CADPS2: variants seen among roughly 807,000 people sequenced by gnomAD.
The protein encoded by CADPS2 is calcium dependent secretion activator 2, also known as calcium-dependent secretion activator 2.
CADPS2 carries 93 observed loss-of-function variants against 172.5 expected under a neutral mutation model. The observed-to-expected ratio is 0.54, with a 90% CI of 0.46 to 0.64. The LOEUF (loss-of-function observed/expected upper bound fraction) is 0.64. Among genes scored for constraint, CADPS2 ranks in the 30% least tolerant of loss-of-function variants. The pLI is 0.00. For synonymous variants in CADPS2, 546 were observed against 555.2 expected, an observed-to-expected ratio of 0.98 and a Z score of 0.23; for missense variants, 1,420 against 1,565.9, an observed-to-expected ratio of 0.91 and a Z score of 1.57.
intron 27 of CADPS2, among the ~76,000 whole-genome samples, chr7:122,355,644 A>G (rs1476384567): frequency 6.6e-6 from 1 of 151,846 alleles, no homozygotes; most frequent in African/African-American, 2.4e-5. Flanking sequence ...CTTCTTATCC[A>G]GAAAATTTTT....
In CADPS2 at chr7:122,513,333, A is replaced by G. The variant is rs765442633; in HGVS notation, c.1476-18T>C. ...ACAGATATCTGGAAAGAAAAACAAAAGCCAAAGAATACTTCAGATGAATAA... is the reference window on the plus strand; with the variant it reads ...ACAGATATCTGGAAAGAAAAACAAAGGCCAAAGAATACTTCAGATGAATAA... On this transcript the variant is annotated intron_variant, in intron 8 of 29. Coordinates refer to ENST00000449022, the MANE Select transcript of CADPS2 (RefSeq NM_017954.11). 6.5e-6 allele frequency: 10 copies of G among 1,531,236 alleles called. No homozygotes were observed. Among genetic ancestry groups the G allele is most frequent in the African/African-American group, 1.4e-5 (1 of 72,666 alleles). The allele number at this position is 1,531,236 out of a possible 1,614,324, so 94.9% of individuals were successfully genotyped here.
At chr7:122,723,924 A>G (rs918298465) in intron 2 of CADPS2, among the ~76,000 whole-genome samples, 1 of 151,974 alleles carries the variant, frequency 6.6e-6, no homozygotes, top group South Asian at 2.1e-4. Context: ...AAACTGTCAC[A>G]AGGACAGAAA....
intron 2 of CADPS2, among the ~76,000 whole-genome samples, chr7:122,688,916 T>C (rs1473411922): frequency 2.0e-5 from 3 of 152,252 alleles, no homozygotes; most frequent in East Asian, 3.9e-4. Flanking sequence ...CTTTGGTACA[T>C]AGGCTCGATA....
intron 9 of CADPS2, among the ~76,000 whole-genome samples, chr7:122,497,450 A>G (rs1586640295): frequency 1.3e-5 from 2 of 152,244 alleles, no homozygotes; most frequent in East Asian, 3.9e-4. Flanking sequence ...GAAACTATAT[A>G]TTTCTTTTCT....
chr7:122,597,918 T>G (rs531559814), intron 6 of CADPS2, among the ~76,000 whole-genome samples: 30 of 152,152 alleles, frequency 2.0e-4, no homozygotes, highest in African/African-American at 7.0e-4. Context: ...TTAACATTTT[T>G]TTTTTTTGAA....
At chr7:122,532,992 T>A (rs571708029) in intron 8 of CADPS2, among the ~76,000 whole-genome samples, 9 of 151,688 alleles carry the variant, frequency 5.9e-5, no homozygotes, top group African/African-American at 2.2e-4. Context: ...CATAACATAC[T>A]CAGTAACAGG....
chr7:122,407,779 T>A, intron 19 of CADPS2, 83 bp from the exon 20 acceptor site: 1 of 1,292,162 alleles, frequency 7.7e-7, no homozygotes. Flanking sequence ...TGAAAATATT[T>A]TATAACATGT....
chr7:122,514,229 TAAAG>T lies in CADPS2; in HGVS notation c.1476-918_1476-915del, dbSNP rs549569037. Among the ~76,000 whole-genome samples the T allele has an allele frequency of 2.0e-3, 303 of 151,934 alleles. 1 individual carries two copies. The highest frequency in any genetic ancestry group is 6.9e-3 in the African/African-American group (286 of 41,432). On this transcript the variant is annotated intron_variant, in intron 8 of 29. Transcript: ENST00000449022. ...TATGACAGAGGCCTAATTTTAAGAC[TAAAG>T]AAAGATTTTTCAATATTTTATAATC...
chr7:122,436,601 G>A (rs375308215), intron 17 of CADPS2, among the ~76,000 whole-genome samples: 6 of 151,932 alleles, frequency 3.9e-5, no homozygotes, highest in African/African-American at 1.4e-4. Flanking sequence ...CAAGCATTTT[G>A]TTGTTGCTAT....
chr7:122,588,382 T>G (rs919962033), intron 6 of CADPS2, among the ~76,000 whole-genome samples: 2 of 152,048 alleles, frequency 1.3e-5, no homozygotes, highest in African/African-American at 4.8e-5. Flanking sequence ...TAATAAGGTG[T>G]GAAGAAGGGG....
intron 1 of CADPS2, among the ~76,000 whole-genome samples, chr7:122,806,733 CT>C (rs928908546): frequency 6.6e-6 from 1 of 152,152 alleles, no homozygotes; most frequent in African/African-American, 2.4e-5. Flanking sequence ...CTTAGGTAAT[CT>C]TTTCTTCTAT....
At chr7:122,700,935 T>C (rs2085955014) in intron 2 of CADPS2, among the ~76,000 whole-genome samples, 1 of 152,148 alleles carries the variant, frequency 6.6e-6, no homozygotes, top group Non-Finnish European at 1.5e-5. Flanking sequence ...AATAATTATT[T>C]AGAACACATT....
intron 6 of CADPS2, among the ~76,000 whole-genome samples, chr7:122,603,437 G>T (rs118053525): frequency 2.1e-4 from 31 of 148,392 alleles, no homozygotes; most frequent in Admixed American, 3.4e-4. Context: ...TTTAAAGAAA[G>T]TAGAGAAATG....
intron 1 of CADPS2, among the ~76,000 whole-genome samples, chr7:122,785,673 T>C (rs2139526626): frequency 6.6e-6 from 1 of 152,256 alleles, no homozygotes. Context: ...ATTGAGGTCC[T>C]TTCTTGGGTT....
intron 3 of CADPS2, among the ~76,000 whole-genome samples, chr7:122,640,512 G>GA (rs1287034651): frequency 6.7e-6 from 1 of 149,266 alleles, no homozygotes; most frequent in African/African-American, 2.5e-5. Flanking sequence ...GAGAGAGAGA[G>GA]AAAAAAAAAG....
intron 1 of CADPS2, among the ~76,000 whole-genome samples, chr7:122,782,797 A>G (rs773398214): frequency 3.3e-5 from 5 of 152,174 alleles, no homozygotes; most frequent in Non-Finnish European, 5.9e-5. Flanking sequence ...TTAATATTTT[A>G]GCTGATATGT....
At chr7:122,432,645 A>AAAAT (rs2050099261) in intron 17 of CADPS2, among the ~76,000 whole-genome samples, 1 of 132,298 alleles carries the variant, frequency 7.6e-6, no homozygotes, top group African/African-American at 3.4e-5. Context: ...TGTTAAAATA[A>AAAAT]AAAAAAAAAA....
chr7:122,833,939 T>A (rs1807430238), intron 1 of CADPS2, among the ~76,000 whole-genome samples: 1 of 152,120 alleles, frequency 6.6e-6, no homozygotes, highest in Admixed American at 6.5e-5. Flanking sequence ...TCAAAAAATA[T>A]ATATCAGATT....
chr7:122,683,822 G>T (rs1310958274), intron 2 of CADPS2, among the ~76,000 whole-genome samples: 1 of 151,958 alleles, frequency 6.6e-6, no homozygotes, highest in East Asian at 1.9e-4. Context: ...GTCTACATGG[G>T]TTTCCTCCAG....
Sources: gnomAD v4.1 joint callset for allele counts (sites outside exome capture counted in the v4.1 genomes callset) on GRCh38, gnomAD v4.1.1 for gene constraint, MANE v1.5 for transcripts, NCBI Gene and HGNC (gene_info 2026-07-23, HGNC 2026-07-21) for gene names.